Variants in DAPK1 observed in about 807,000 individuals in gnomAD.
DAPK1 encodes death associated protein kinase 1.
DAPK1 carries 56 observed loss-of-function variants against 144.9 expected under a neutral mutation model. The ratio of observed to expected loss-of-function variants is 0.39; its 90% CI spans 0.31 to 0.48. The LOEUF (loss-of-function observed/expected upper bound fraction) is 0.48, where lower values mean the gene tolerates loss of function less well. Ranked by LOEUF, DAPK1 falls within the 20% of genes least tolerant of loss-of-function variation. The pLI, the probability that DAPK1 is intolerant of heterozygous loss-of-function variation, is 0.95. For synonymous variants in DAPK1, 690 were observed against 749.0 expected, an observed-to-expected ratio of 0.92 and a Z score of 1.29; for missense variants, 1,454 against 1,875.4, an observed-to-expected ratio of 0.78 and a Z score of 4.15.
Position 87,706,235 on chromosome 9 carries a change from G to A in DAPK1, c.3164G>A (p.Arg1055Gln), listed in dbSNP as rs779189020. Residue 1055 changes from arginine to glutamine, a missense_variant, in exon 26 of 26, where the codon CGG becomes CAG. This residue lies in a region of DAPK1 where 1,025 missense variants were observed against 1,237.9 expected (regional missense o/e 0.83). Coordinates refer to ENST00000408954, the MANE Select transcript of DAPK1 (RefSeq NM_004938.4). The surrounding 1 kb of genome is among the most constrained non-coding windows in gnomAD (Gnocchi z 9.0). ...LGKLLSVETP[R>Q]ALHHYRGRYT... ...AAGTTGCTGTCCGTGGAGACCCCAC[G>A]GGCGCTGCACCACTACCGGGGCCGC... 50 of 1,613,740 alleles carry A rather than the reference G, an allele frequency of 3.1e-5. No individual in the cohort carries two copies. Among genetic ancestry groups the A allele is most frequent in the Middle Eastern group, 1.7e-4 (1 of 6,060 alleles).
intron 2 of DAPK1, among the ~76,000 whole-genome samples, chr9:87,544,374 CAA>C (rs1826161634): frequency 6.6e-6 from 1 of 152,146 alleles, no homozygotes; most frequent in African/African-American, 2.4e-5. Flanking sequence ...TTGACAATGA[CAA>C]ATTTTCATTT....
At chr9:87,670,600 C>G (rs1463297284) in intron 19 of DAPK1, among the ~76,000 whole-genome samples, 1 of 152,178 alleles carries the variant, frequency 6.6e-6, no homozygotes, top group African/African-American at 2.4e-5. Context: ...GCACCTGGCA[C>G]CTGGCTTGCA....
intron 3 of DAPK1, among the ~76,000 whole-genome samples, chr9:87,634,746 C>G (rs1829830103): frequency 2.6e-5 from 4 of 152,206 alleles, no homozygotes; most frequent in Admixed American, 1.3e-4. Context: ...CAGGTCACCG[C>G]TGCAGTGCCT....
intron 3 of DAPK1, among the ~76,000 whole-genome samples, chr9:87,619,504 G>T (rs1829215743): frequency 6.6e-6 from 1 of 152,150 alleles, no homozygotes; most frequent in South Asian, 2.1e-4. Context: ...AGGACAGTGG[G>T]GTGAAGAGAG....
chr9:87,500,769 G>A (rs1291133099), intron 2 of DAPK1, among the ~76,000 whole-genome samples: 1 of 152,128 alleles, frequency 6.6e-6, no homozygotes, highest in Non-Finnish European at 1.5e-5. Context: ...CTAGCACTTT[G>A]ATTTGCTCAG....
At chr9:87,524,129 G>T (rs763816712) in intron 2 of DAPK1, among the ~76,000 whole-genome samples, 1 of 152,192 alleles carries the variant, frequency 6.6e-6, no homozygotes, top group Non-Finnish European at 1.5e-5. Flanking sequence ...TTTGTGCCCC[G>T]ATAGAGGTTC....
At chr9:87,690,900 G>C (rs1332876167) in intron 21 of DAPK1, among the ~76,000 whole-genome samples, 10 of 151,954 alleles carry the variant, frequency 6.6e-5, no homozygotes, top group African/African-American at 2.4e-4. Flanking sequence ...TTTGTGTGCT[G>C]TTGGATTTGG....
chr9:87,646,332 T>TCCTGCCACGCAGTGGTAGCTCTA, intron 12 of DAPK1, 129 bp from the exon 13 acceptor site: 1 of 713,576 alleles, frequency 1.4e-6, no homozygotes, highest in Non-Finnish European at 2.4e-6. Context: ...TGTCTTCTCT[T>TCCTGCCACGCAGTGGTAGCTCTA]CCTGCCACGC....
In DAPK1 at chr9:87,697,210, C is replaced by T. The variant is rs1238837962; in HGVS notation, c.2611+6C>T. 2 of 1,396,112 alleles carry T rather than the reference C, an allele frequency of 1.4e-6. No homozygotes were observed. The highest frequency in any genetic ancestry group is 2.0e-6 in the Non-Finnish European group (2 of 981,662). 86.5% of individuals were successfully genotyped at this position (1,396,112 alleles called of 1,614,324 possible). On this transcript the variant is annotated splice_donor_region_variant and intron_variant, in intron 22 of 25. Coordinates refer to ENST00000408954, the MANE Select transcript of DAPK1 (RefSeq NM_004938.4). The stretch of plus-strand genomic sequence containing the variant: ...CCCAGTTGAAGAACCCATAGGTGAG[C>T]TAAGTCCCTGCAGGCCAGTGATGTC...
chr9:87,605,132 G>A lies in DAPK1; in HGVS notation c.241G>A (p.Glu81Lys), dbSNP rs1470851394. Residue 81 changes from glutamate to lysine, a missense_variant, in exon 3 of 26, where the codon GAG becomes AAG. By Grantham distance (56) the Glu-to-Lys change is moderately conservative. Around this residue, in one of 2 missense-constraint regions of DAPK1, gnomAD observed 429 missense variants for 637.5 expected, o/e 0.67. Transcript: ENST00000408954. ...IQHPNVITLH[E>K]VYENKTDVIL... is the part of the protein sequence containing the mutation. ...GCACCCCAATGTCATCACCCTGCACGAGGTCTATGAGAACAAGACGGACGT... is the reference window on the plus strand; with the variant it reads ...GCACCCCAATGTCATCACCCTGCACAAGGTCTATGAGAACAAGACGGACGT... 5 of 1,614,230 alleles carry A rather than the reference G, an allele frequency of 3.1e-6. No homozygotes were observed. The highest frequency in any genetic ancestry group is 4.2e-6 in the Non-Finnish European group (5 of 1,180,042).
chr9:87,675,048 G>T (rs955914651), intron 19 of DAPK1, among the ~76,000 whole-genome samples: 1 of 152,162 alleles, frequency 6.6e-6, no homozygotes, highest in Non-Finnish European at 1.5e-5. Context: ...AGAAAAATGT[G>T]TAAGTCAGGT....
Position 87,697,165 on chromosome 9 carries a change from A to C in DAPK1, c.2572A>C (p.Ser858Arg), listed in dbSNP as rs373622506. The C allele has an allele frequency of 6.3e-7, 1 of 1,583,410 alleles. No individual in the cohort carries two copies. Among genetic ancestry groups the C allele is most frequent in the Non-Finnish European group, 8.7e-7 (1 of 1,152,108 alleles). Residue 858 changes from serine to arginine, a missense_variant, in exon 22 of 26, where the codon AGT (serine) becomes CGT (arginine). Transcript: ENST00000408954. ...IQLNQVIFWL[S>R]FLKSLVPVEE... ...GCTGAACCAAGTGATTTTCTGGCTCAGTTTCCTGAAGTCCCTTGTCCCAGT... is the reference window on the plus strand; with the variant it reads ...GCTGAACCAAGTGATTTTCTGGCTCCGTTTCCTGAAGTCCCTTGTCCCAGT...
chr9:87,539,824 G>T (rs941377631), intron 2 of DAPK1, among the ~76,000 whole-genome samples: 1 of 151,962 alleles, frequency 6.6e-6, no homozygotes, highest in African/African-American at 2.4e-5. Context: ...GTCTACATTC[G>T]CTGACTGTCT....
chr9:87,648,745 T>C (rs2119169733), intron 14 of DAPK1, 36 bp from the exon 15 acceptor site: 1 of 1,567,672 alleles, frequency 6.4e-7, no homozygotes, highest in South Asian at 1.1e-5. Context: ...TGCTCACAGA[T>C]GTGGCTCTGA....
At chr9:87,566,206 A>G (rs1275452540) in intron 2 of DAPK1, among the ~76,000 whole-genome samples, 1 of 151,894 alleles carries the variant, frequency 6.6e-6, no homozygotes, top group African/African-American at 2.4e-5. Flanking sequence ...TATTTTTAGT[A>G]GAGATGGGGT....
At chr9:87,660,350 C>T (rs1225826018) in intron 18 of DAPK1, among the ~76,000 whole-genome samples, 2 of 152,056 alleles carry the variant, frequency 1.3e-5, no homozygotes, top group Non-Finnish European at 2.9e-5. Flanking sequence ...GAAACGTGAC[C>T]ACACCACATC....
chr9:87,534,914 G>A (rs756089178), intron 2 of DAPK1, among the ~76,000 whole-genome samples: 9 of 152,008 alleles, frequency 5.9e-5, no homozygotes, highest in Non-Finnish European at 1.2e-4. Flanking sequence ...TAAAGTGCTG[G>A]GATTACAGGG....
intron 2 of DAPK1, among the ~76,000 whole-genome samples, chr9:87,588,668 T>A (rs1291678528): frequency 1.3e-5 from 2 of 152,192 alleles, no homozygotes; most frequent in African/African-American, 4.8e-5. Flanking sequence ...GCATAAAATA[T>A]ATTTCCAAAT....
At chr9:87,646,079 A>T in intron 12 of DAPK1, 65 bp downstream of exon 12, 1 of 1,564,548 alleles carries the variant, frequency 6.4e-7, no homozygotes, top group East Asian at 2.3e-5. Context: ...TCCATATCCA[A>T]GGAAAGACCC....
Sources: gnomAD v4.1 joint callset for allele counts (sites outside exome capture counted in the v4.1 genomes callset) on GRCh38, gnomAD v4.1.1 for gene constraint, gnomAD v4.1.1 regional missense constraint, Gnocchi (gnomAD v3.1) non-coding constraint, MANE v1.5 for transcripts, NCBI Gene and HGNC (gene_info 2026-07-23, HGNC 2026-07-21) for gene names.